Variants in RPRD1B observed in about 807,000 individuals in gnomAD.
The protein encoded by RPRD1B is regulation of nuclear pre-mRNA domain containing 1B.
Under a neutral mutation model 41.5 loss-of-function variants are expected in RPRD1B, and 11 were observed. That is an observed-to-expected ratio of 0.27 (90% CI 0.17 to 0.44). RPRD1B has a LOEUF of 0.44. Ranked by LOEUF, RPRD1B falls within the 20% of genes least tolerant of loss-of-function variation. The probability of loss-of-function intolerance (pLI) is 1.00; values close to 1 mark genes in which losing one functional copy is unlikely to be tolerated. For missense variants in RPRD1B, 248 were observed against 389.9 expected (o/e 0.64, Z 3.06); for synonymous variants, 158 against 155.6 (o/e 1.02, Z -0.12).
In RPRD1B at chr20:38,090,049, T is replaced by C; in HGVS notation, c.*174T>C. 7.3e-7 allele frequency: 1 copy of C among 1,373,794 alleles called. No homozygotes were observed. Among genetic ancestry groups the C allele is most frequent in the Non-Finnish European group, 9.4e-7 (1 of 1,063,224 alleles). 85.1% of individuals were successfully genotyped at this position (1,373,794 alleles called of 1,614,324 possible). ...CTTCAGCCTCTCATCTTGAGCACAG[T>C]TCAGAACAGTGGCGACTGGAATCTG... On this transcript the variant is annotated 3_prime_UTR_variant, in exon 7 of 7. Coordinates refer to ENST00000373433, the MANE Select transcript of RPRD1B (RefSeq NM_021215.4).
At chr20:38,054,297 T>C (rs560889993) in intron 3 of RPRD1B, among the ~76,000 whole-genome samples, 13 of 152,288 alleles carry the variant, frequency 8.5e-5, no homozygotes, top group African/African-American at 2.9e-4. Context: ...AGAAATCTTA[T>C]GTTTGTAGCA....
intron 4 of RPRD1B, 87 bp downstream of exon 4, chr20:38,057,731 C>T (rs1036781683): frequency 9.6e-6 from 9 of 935,562 alleles, no homozygotes; most frequent in Non-Finnish European, 1.6e-5. Flanking sequence ...CGCCAGTGAC[C>T]ACTGGTATGG....
chr20:38,063,104 C>T (rs1243788868), intron 5 of RPRD1B, among the ~76,000 whole-genome samples: 1 of 152,140 alleles, frequency 6.6e-6, no homozygotes, highest in Non-Finnish European at 1.5e-5. Flanking sequence ...CTCTTTCCTC[C>T]TAGCGCCTTT....
intron 6 of RPRD1B, among the ~76,000 whole-genome samples, chr20:38,067,190 G>A (rs2074366343): frequency 6.6e-6 from 1 of 152,126 alleles, no homozygotes; most frequent in South Asian, 2.1e-4. Flanking sequence ...TTAAGTACAT[G>A]GTAGTTTACC....
intron 2 of RPRD1B, among the ~76,000 whole-genome samples, chr20:38,047,764 G>C (rs1015934311): frequency 6.6e-6 from 1 of 152,048 alleles, no homozygotes; most frequent in Non-Finnish European, 1.5e-5. Flanking sequence ...ATTATTAAGT[G>C]TGTTCTAAGA....
intron 6 of RPRD1B, among the ~76,000 whole-genome samples, chr20:38,089,420 T>G (rs1239898847): frequency 2.0e-5 from 3 of 152,200 alleles, no homozygotes; most frequent in Non-Finnish European, 4.4e-5. Context: ...TTTGAAACTT[T>G]TGAGAACCAA....
intron 2 of RPRD1B, among the ~76,000 whole-genome samples, chr20:38,044,290 C>CTG (rs1319742313): frequency 6.6e-6 from 1 of 152,030 alleles, no homozygotes; most frequent in Admixed American, 6.5e-5. Context: ...ATTAAAGACT[C>CTG]TGTGCCCAGA....
In RPRD1B at chr20:38,089,915, A is replaced by G. The variant is rs764154295; in HGVS notation, c.*40A>G. Reference sequence around the variant, plus strand: ...CCCAGATTTCTGTTTGTACCAGCAGAAAGAAGAGGGCAAGTCATGGTTGGA... The same window carrying G: ...CCCAGATTTCTGTTTGTACCAGCAGGAAGAAGAGGGCAAGTCATGGTTGGA... On this transcript the variant is annotated 3_prime_UTR_variant, in exon 7 of 7. Coordinates refer to ENST00000373433, the MANE Select transcript of RPRD1B (RefSeq NM_021215.4). 6.2e-6 allele frequency: 10 copies of G among 1,603,318 alleles called. No homozygotes were observed. The highest frequency in any genetic ancestry group is 7.7e-6 in the Non-Finnish European group (9 of 1,174,846).
chr20:38,058,258 G>T (rs1422426494), intron 4 of RPRD1B, among the ~76,000 whole-genome samples: 4 of 152,156 alleles, frequency 2.6e-5, no homozygotes, highest in Middle Eastern at 6.8e-3. Context: ...GGCGGGGGCG[G>T]GGGGGGCTTC....
intron 3 of RPRD1B, 108 bp downstream of exon 3, chr20:38,048,589 C>T (rs2074145183): frequency 1.3e-6 from 2 of 1,483,934 alleles, no homozygotes; most frequent in African/African-American, 1.4e-5. Flanking sequence ...TTTTATGATT[C>T]TTCAGAGAGA....
chr20:38,051,297 C>G (rs1459848129), intron 3 of RPRD1B, among the ~76,000 whole-genome samples: 1 of 152,282 alleles, frequency 6.6e-6, no homozygotes, highest in East Asian at 1.9e-4. Flanking sequence ...TGAGAATACT[C>G]AAGGTGTTGC....
At chr20:38,053,753 T>C (rs909169797) in intron 3 of RPRD1B, among the ~76,000 whole-genome samples, 4 of 152,208 alleles carry the variant, frequency 2.6e-5, no homozygotes, top group Admixed American at 2.0e-4. Context: ...AGCTACATAT[T>C]GAATATATTT....
At chr20:38,077,380 CTCCT>C (rs2074473499) in intron 6 of RPRD1B, among the ~76,000 whole-genome samples, 1 of 152,218 alleles carries the variant, frequency 6.6e-6, no homozygotes, top group African/African-American at 2.4e-5. Context: ...GACAGACTGT[CTCCT>C]TCCTTCTCAC....
chr20:38,047,274 T>C (rs1568645807), intron 2 of RPRD1B, among the ~76,000 whole-genome samples: 1 of 152,230 alleles, frequency 6.6e-6, no homozygotes, highest in Non-Finnish European at 1.5e-5. Context: ...AGTCCTTTAG[T>C]CAGTGAAATT....
At chr20:38,062,429 T>C (rs565531091) in intron 5 of RPRD1B, among the ~76,000 whole-genome samples, 36 of 152,296 alleles carry the variant, frequency 2.4e-4, no homozygotes, top group African/African-American at 6.7e-4. Context: ...ATATCCAACC[T>C]CCTACTCAGT....
intron 6 of RPRD1B, 63 bp downstream of exon 6, chr20:38,066,319 G>T (rs2074355671): frequency 9.6e-6 from 14 of 1,462,620 alleles, no homozygotes; most frequent in East Asian, 2.3e-5. Context: ...CACATTAGGA[G>T]GTTTTTATTA....
At position 38,057,472 on chromosome 20, in the gene RPRD1B, G is replaced by A. The variant is rs147822583; in HGVS notation, c.416-60G>A. The A allele has an allele frequency of 2.3e-4, 270 of 1,170,290 alleles. 3 individuals are homozygous for A. In the East Asian group the frequency reaches 2.8e-3, roughly 12 times the overall value. 72.5% of individuals were successfully genotyped at this position (1,170,290 alleles called of 1,614,324 possible). A position where few individuals can be genotyped will look rare whatever the true frequency, so the allele number is the denominator to read the frequency against. ...TTTTACATGTGGCCCATTGTGCATA[G>A]CATGTGACTTATCACTACAGGATAT... On this transcript the variant is annotated intron_variant, in intron 3 of 6. Coordinates refer to ENST00000373433, the MANE Select transcript of RPRD1B (RefSeq NM_021215.4).
intron 6 of RPRD1B, among the ~76,000 whole-genome samples, chr20:38,068,589 A>G (rs1214420409): frequency 1.3e-5 from 2 of 152,158 alleles, no homozygotes; most frequent in Non-Finnish European, 2.9e-5. Flanking sequence ...TAGCAGAGAC[A>G]GAGTTTCACC....
intron 2 of RPRD1B, among the ~76,000 whole-genome samples, chr20:38,045,239 C>G (rs888863466): frequency 6.6e-6 from 1 of 152,158 alleles, no homozygotes; most frequent in Admixed American, 6.6e-5. Flanking sequence ...AAAGATTGTT[C>G]AGTCTTTTTT....
Sources: gnomAD v4.1 joint callset for allele counts (sites outside exome capture counted in the v4.1 genomes callset) on GRCh38, gnomAD v4.1.1 for gene constraint, MANE v1.5 for transcripts, NCBI Gene and HGNC (gene_info 2026-07-23, HGNC 2026-07-21) for gene names.